CD300LB: variants seen among roughly 807,000 people sequenced by gnomAD.
The protein encoded by CD300LB is CD300 molecule like family member b.
In CD300LB, 18 loss-of-function variants were observed where a neutral mutation model predicts 20.8. The observed-to-expected ratio is 0.87, with a 90% CI of 0.60 to 1.28. CD300LB has a LOEUF of 1.28. Among genes scored for constraint, CD300LB ranks in the 50% most tolerant of loss-of-function variants. The pLI, the probability that CD300LB is intolerant of heterozygous loss-of-function variation, is 0.00. For missense variants in CD300LB, 222 were observed against 251.8 expected, an observed-to-expected ratio of 0.88 and a Z score of 0.80; for synonymous variants, 91 against 91.3, an observed-to-expected ratio of 1.00 and a Z score of 0.02.
At position 74,522,627 on chromosome 17, in the gene CD300LB, AG is replaced by A; in HGVS notation, c.*110del. 1 of 1,536,276 alleles carries A rather than the reference AG, an allele frequency of 6.5e-7. No homozygotes were observed. ...AGCTCCAAGGCCAGGGCGGAGGCCC[AG>A]GGCCCCTATCTCAGTCACTGCATCC... On this transcript the variant is annotated 3_prime_UTR_variant, in exon 4 of 4. Coordinates refer to ENST00000392621, the MANE Select transcript of CD300LB (RefSeq NM_174892.4).
intron 1 of CD300LB, among the ~76,000 whole-genome samples, chr17:74,531,072 T>C (rs1370540018): frequency 6.6e-6 from 1 of 152,162 alleles, no homozygotes; most frequent in African/African-American, 2.4e-5. Context: ...CCCAAAGTGT[T>C]AGGATTATAG....
Position 74,521,351 on chromosome 17 carries a change from G to C in CD300LB, c.*1387C>G. The C allele has an allele frequency of 3.0e-6, 3 of 985,516 alleles. No individual in the cohort carries two copies. Among genetic ancestry groups the C allele is most frequent in the South Asian group, 9.4e-5 (2 of 21,296 alleles). 61.0% of individuals were successfully genotyped at this position (985,516 alleles called of 1,614,324 possible). ...CCTCCCTGGGTCTGGTCGGATCTTC[G>C]GGAAGCTGGATCCAGGAAAGCATTC... On this transcript the variant is annotated 3_prime_UTR_variant, in exon 4 of 4. Coordinates refer to ENST00000392621, the MANE Select transcript of CD300LB (RefSeq NM_174892.4).
intron 2 of CD300LB, 45 bp downstream of exon 2, chr17:74,525,703 G>A: frequency 2.6e-6 from 4 of 1,563,002 alleles, no homozygotes; most frequent in Non-Finnish European, 2.6e-6. Flanking sequence ...GACTTTCCCA[G>A]CCCTGAGCTC....
In CD300LB at chr17:74,522,646, C is replaced by T. The variant is rs995164530; in HGVS notation, c.*92G>A. On this transcript the variant is annotated 3_prime_UTR_variant, in exon 4 of 4. Transcript: ENST00000392621. ...AGGCCCAGGGCCCCTATCTCAGTCA[C>T]TGCATCCCGAGGACTCGTAGATGTT... The T allele has an allele frequency of 1.1e-5, 17 of 1,562,556 alleles. No homozygotes were observed. The highest frequency in any genetic ancestry group is 1.5e-5 in the Non-Finnish European group (17 of 1,153,976).
intron 1 of CD300LB, among the ~76,000 whole-genome samples, chr17:74,526,487 C>A (rs1477355297): frequency 1.3e-5 from 2 of 152,160 alleles, no homozygotes; most frequent in East Asian, 3.9e-4. Flanking sequence ...CCAAGGTGGG[C>A]AGATCACCTG....
Position 74,522,283 on chromosome 17 carries a change from TA to T in CD300LB, c.*454del. The T allele has an allele frequency of 1.7e-5, 17 of 987,702 alleles. No homozygotes were observed. In the South Asian group the frequency reaches 7.7e-4, roughly 45 times the overall value. 61.2% of individuals were successfully genotyped at this position (987,702 alleles called of 1,614,324 possible). Reference sequence around the variant, plus strand: ...GAGGTTTCCTATGAACATAAGTCATTAAAACCCAACTTTGCTAGAAAAAAAA... The same window carrying T: ...GAGGTTTCCTATGAACATAAGTCATTAAACCCAACTTTGCTAGAAAAAAAA... On this transcript the variant is annotated 3_prime_UTR_variant, in exon 4 of 4. Transcript: ENST00000392621.
chr17:74,523,765 AG>A (rs1907954150), intron 2 of CD300LB, 114 bp from the exon 3 acceptor site: 6 of 720,846 alleles, frequency 8.3e-6, no homozygotes, highest in Non-Finnish European at 1.5e-5. Context: ...TCCCTGGAGT[AG>A]GAGGATTTTT....
rs184323138 is a variant in CD300LB at position 74,530,755 on chromosome 17, T to C, written c.40+556A>G. Among the ~76,000 whole-genome samples the C allele has an allele frequency of 8.5e-5, 13 of 152,288 alleles. No homozygotes were observed. In the East Asian group the frequency reaches 1.2e-3, roughly 14 times the overall value. On this transcript the variant is annotated intron_variant, in intron 1 of 3. Coordinates refer to ENST00000392621, the MANE Select transcript of CD300LB (RefSeq NM_174892.4). ...ACCAATGCCTTATTGTGTCCTGCAA[T>C]TGCTCATTGTTTATGTGTATGTCTC...
chr17:74,530,359 G>A (rs1022989620), intron 1 of CD300LB, among the ~76,000 whole-genome samples: 1 of 152,138 alleles, frequency 6.6e-6, no homozygotes, highest in Non-Finnish European at 1.5e-5. Flanking sequence ...TTTCCACCTG[G>A]GTTCTTGAGA....
chr17:74,529,049 G>A (rs1282652852), intron 1 of CD300LB, among the ~76,000 whole-genome samples: 3 of 152,198 alleles, frequency 2.0e-5, no homozygotes, highest in Non-Finnish European at 2.9e-5. Flanking sequence ...AGGATCGCCT[G>A]AGCCTGAGAG....
chr17:74,525,617 G>C (rs1028104339), intron 2 of CD300LB, 131 bp downstream of exon 2: 1 of 788,352 alleles, frequency 1.3e-6, no homozygotes, highest in Non-Finnish European at 2.0e-6. Flanking sequence ...CTGTCTGTCT[G>C]TCTGTCTCTC....
intron 1 of CD300LB, among the ~76,000 whole-genome samples, chr17:74,527,044 A>G (rs1908057062): frequency 6.6e-6 from 1 of 152,224 alleles, no homozygotes; most frequent in Non-Finnish European, 1.5e-5. Context: ...ATTTACAAAG[A>G]CACACTGGAT....
chr17:74,530,675 G>A (rs140356828), intron 1 of CD300LB, among the ~76,000 whole-genome samples: 1,675 of 152,148 alleles, frequency 0.011, 34 homozygotes, highest in African/African-American at 0.037. Flanking sequence ...GCACAGCTTC[G>A]TGAGTCTTTC....
intron 2 of CD300LB, among the ~76,000 whole-genome samples, chr17:74,524,790 G>T (rs1390685556): frequency 6.6e-6 from 1 of 152,012 alleles, no homozygotes; most frequent in Admixed American, 6.6e-5. Flanking sequence ...CTCCACACTG[G>T]CCACTGTTTT....
Position 74,522,666 on chromosome 17 carries a change from G to C in CD300LB, c.*72C>G, listed in dbSNP as rs1354469319. On this transcript the variant is annotated 3_prime_UTR_variant, in exon 4 of 4. Coordinates refer to ENST00000392621, the MANE Select transcript of CD300LB (RefSeq NM_174892.4). ...AGTCACTGCATCCCGAGGACTCGTAGATGTTCCTTCCACAGCCCGAGTCTC... is the reference window on the plus strand; with the variant it reads ...AGTCACTGCATCCCGAGGACTCGTACATGTTCCTTCCACAGCCCGAGTCTC... The C allele has an allele frequency of 1.9e-6, 3 of 1,593,732 alleles. No individual in the cohort carries two copies. Among genetic ancestry groups the C allele is most frequent in the Middle Eastern group, 1.7e-4 (1 of 5,864 alleles).
At chr17:74,530,494 C>T (rs1388176345) in intron 1 of CD300LB, among the ~76,000 whole-genome samples, 1 of 151,714 alleles carries the variant, frequency 6.6e-6, no homozygotes, top group Non-Finnish European at 1.5e-5. Context: ...CTGACAGCTC[C>T]CTCTGCATGA....
intron 3 of CD300LB, 185 bp from the exon 4 acceptor site, chr17:74,523,085 G>T: frequency 1.7e-6 from 1 of 596,424 alleles, no homozygotes. Flanking sequence ...ACCTTGGCTG[G>T]TTTTGCACGG....
chr17:74,526,106 C>T (rs779710420), intron 1 of CD300LB, 29 bp from the exon 2 acceptor site: 2 of 1,603,210 alleles, frequency 1.2e-6, no homozygotes. Flanking sequence ...AGATACAGCT[C>T]ATTGCACCGG....
At chr17:74,526,871 C>T (rs986141800) in intron 1 of CD300LB, among the ~76,000 whole-genome samples, 1 of 152,226 alleles carries the variant, frequency 6.6e-6, no homozygotes, top group African/African-American at 2.4e-5. Context: ...AGCCCCAGCA[C>T]ACTGCGGGGG....
Sources: allele counts gnomAD v4.1 joint callset (sites outside exome capture counted in the v4.1 genomes callset), GRCh38; gene constraint gnomAD v4.1.1; transcripts MANE v1.5; gene names NCBI Gene and HGNC (gene_info 2026-07-23, HGNC 2026-07-21).